ACVR1: variants seen among roughly 807,000 people sequenced by gnomAD.
ACVR1 encodes the protein activin A receptor type 1, also known as activin receptor type-1.
Under a neutral mutation model 57.1 loss-of-function variants are expected in ACVR1, and 38 were observed. The observed-to-expected ratio is 0.67, with a 90% CI of 0.51 to 0.87. ACVR1 has a LOEUF of 0.87. ACVR1 is among the 40% of genes least tolerant of loss of function. The pLI, the probability that ACVR1 is intolerant of heterozygous loss-of-function variation, is 0.00. For synonymous variants in ACVR1, 212 were observed against 228.1 expected (o/e 0.93, Z 0.63); for missense variants, 463 against 638.2 (o/e 0.73, Z 2.96).
chr2:157,766,332 G>A (rs963457456), intron 7 of ACVR1, 136 bp from the exon 8 acceptor site: 1 of 879,268 alleles, frequency 1.1e-6, no homozygotes, highest in East Asian at 2.6e-5. Flanking sequence ...CCTAAGAGGA[G>A]GTTTACAGAA....
chr2:157,737,317 T>C lies in ACVR1; in HGVS notation c.*214A>G. 2 of 634,424 alleles carry C rather than the reference T, an allele frequency of 3.2e-6. No homozygotes were observed. Among genetic ancestry groups the C allele is most frequent in the South Asian group, 3.6e-5 (2 of 55,850 alleles). The allele number at this position is 634,424 out of a possible 1,614,324, so 39.3% of individuals were successfully genotyped here. A position where few individuals can be genotyped will look rare whatever the true frequency, so the allele number is the denominator to read the frequency against. On this transcript the variant is annotated 3_prime_UTR_variant, in exon 11 of 11. Transcript: ENST00000434821. ...ACATTAGTCTCTGCAGTGTGAACAG[T>C]TCGTGAAATGCCCAGTTCACAGTCA... is the stretch of plus-strand genomic sequence containing the variant.
At chr2:157,830,098 A>C (rs1688531063) in intron 1 of ACVR1, among the ~76,000 whole-genome samples, 1 of 152,188 alleles carries the variant, frequency 6.6e-6, no homozygotes, top group South Asian at 2.1e-4. Context: ...AGGCTCCTGT[A>C]ATCCCAGCTA....
chr2:157,779,998 T>C (rs10195085), intron 4 of ACVR1, among the ~76,000 whole-genome samples: 122,829 of 152,164 alleles, frequency 0.81, 49,739 homozygotes, highest in East Asian at 0.93. Context: ...CAGAATTGTT[T>C]CAGAAATTAT....
intron 9 of ACVR1, among the ~76,000 whole-genome samples, chr2:157,758,954 G>A (rs1000630133): frequency 5.3e-5 from 8 of 151,856 alleles, no homozygotes; most frequent in Non-Finnish European, 7.4e-5. Flanking sequence ...AAATAAAAAC[G>A]GAAACATAAC....
In ACVR1 at chr2:157,766,030, C is replaced by T. The variant is rs1412520061; in HGVS notation, c.957G>A (p.Leu319=). The T allele has an allele frequency of 3.1e-6, 5 of 1,613,986 alleles. No individual in the cohort carries two copies. Among genetic ancestry groups the T allele is most frequent in the Non-Finnish European group, 4.2e-6 (5 of 1,180,006 alleles). ...VLSIASGLAH[L]HIEIFGTQGK... Reference sequence around the variant, plus strand: ...CTTGGGTCCCAAATATCTCTATGTGCAAATGTGCAAGACCACTAGCTATGG... The same window carrying T: ...CTTGGGTCCCAAATATCTCTATGTGTAAATGTGCAAGACCACTAGCTATGG... The change falls in exon 8 of 11, where the codon TTG becomes TTA. Residue 319 remains leucine, a synonymous_variant. Coordinates refer to ENST00000434821, the MANE Select transcript of ACVR1 (RefSeq NM_001111067.4).
intron 3 of ACVR1, among the ~76,000 whole-genome samples, chr2:157,785,875 G>T (rs1271968944): frequency 6.6e-6 from 1 of 152,110 alleles, no homozygotes; most frequent in Non-Finnish European, 1.5e-5. Context: ...AGATACACAA[G>T]CCTGACTCTC....
intron 9 of ACVR1, among the ~76,000 whole-genome samples, chr2:157,758,343 C>T (rs960297142): frequency 1.3e-5 from 2 of 151,946 alleles, no homozygotes; most frequent in African/African-American, 4.8e-5. Flanking sequence ...TCCTGTGAAA[C>T]CCACAGATAC....
At chr2:157,750,957 T>A (rs183857856) in intron 9 of ACVR1, among the ~76,000 whole-genome samples, 2 of 150,796 alleles carry the variant, frequency 1.3e-5, no homozygotes, top group African/African-American at 4.9e-5. Flanking sequence ...CTGACTAAAT[T>A]GCAGCTCCCA....
intron 2 of ACVR1, chr2:157,806,963 T>C (rs1193778008): frequency 6.6e-6 from 1 of 152,168 alleles, no homozygotes; most frequent in Non-Finnish European, 1.5e-5. Flanking sequence ...ACAAGTCCTA[T>C]AGAACTGAAA....
chr2:157,747,205 T>C (rs1318825031), intron 9 of ACVR1, among the ~76,000 whole-genome samples: 4 of 152,188 alleles, frequency 2.6e-5, no homozygotes, highest in Non-Finnish European at 5.9e-5. Context: ...CTAAAGCTGC[T>C]AAGAAAATGA....
chr2:157,855,325 C>CATAT (rs1558848425), intron 1 of ACVR1, among the ~76,000 whole-genome samples: 1 of 97,180 alleles, frequency 1.0e-5, no homozygotes, highest in African/African-American at 4.8e-5. Flanking sequence ...TATATATATA[C>CATAT]ACACACACAC....
intron 9 of ACVR1, among the ~76,000 whole-genome samples, chr2:157,746,960 A>G (rs969421522): frequency 2.6e-5 from 4 of 152,064 alleles, no homozygotes; most frequent in African/African-American, 9.7e-5. Context: ...GTAGCAAATA[A>G]ATGTAAAATT....
intron 4 of ACVR1, among the ~76,000 whole-genome samples, chr2:157,779,676 G>A (rs1686429372): frequency 6.6e-6 from 1 of 152,208 alleles, no homozygotes; most frequent in Non-Finnish European, 1.5e-5. Context: ...ATAAATGTTT[G>A]CAGAGACTTT....
At chr2:157,872,073 T>C (rs1690130398) in intron 1 of ACVR1, among the ~76,000 whole-genome samples, 1 of 152,212 alleles carries the variant, frequency 6.6e-6, no homozygotes, top group Non-Finnish European at 1.5e-5. Context: ...TTGGTTCTTC[T>C]GAGAGCTGGA....
intron 9 of ACVR1, among the ~76,000 whole-genome samples, chr2:157,755,252 C>T (rs1685377513): frequency 6.6e-6 from 1 of 151,928 alleles, no homozygotes; most frequent in Non-Finnish European, 1.5e-5. Flanking sequence ...TACTGGAAGT[C>T]CTAGCCAGAG....
At chr2:157,765,019 C>A (rs1306323131) in intron 8 of ACVR1, among the ~76,000 whole-genome samples, 1 of 152,000 alleles carries the variant, frequency 6.6e-6, no homozygotes, top group Admixed American at 6.6e-5. Context: ...ATCAGGCTAA[C>A]AATAATTGCA....
intron 1 of ACVR1, among the ~76,000 whole-genome samples, chr2:157,849,687 T>C (rs927175642): frequency 6.6e-6 from 1 of 152,250 alleles, no homozygotes; most frequent in African/African-American, 2.4e-5. Flanking sequence ...TTTATTAATA[T>C]TTACTTTATT....
At chr2:157,738,654 T>G in intron 9 of ACVR1, 84 bp from the exon 10 acceptor site, 20 of 1,585,402 alleles carry the variant, frequency 1.3e-5, no homozygotes, top group African/African-American at 2.7e-5. Flanking sequence ...TCACAGGTTA[T>G]AATGTGACAG....
intron 2 of ACVR1, among the ~76,000 whole-genome samples, chr2:157,817,250 AC>A: frequency 6.6e-6 from 1 of 152,296 alleles, no homozygotes; most frequent in East Asian, 1.9e-4. Context: ...GGCATGAGCC[AC>A]CATGCCTGGC....
Sources: allele counts gnomAD v4.1 joint callset (sites outside exome capture counted in the v4.1 genomes callset), GRCh38; gene constraint gnomAD v4.1.1; transcripts MANE v1.5; gene names NCBI Gene and HGNC (gene_info 2026-07-23, HGNC 2026-07-21).